SORCS3: variants seen among roughly 807,000 people sequenced by gnomAD.
The protein encoded by SORCS3 is VPS10 domain-containing receptor SorCS3.
SORCS3 carries 57 observed loss-of-function variants against 146.3 expected under a neutral mutation model. The observed-to-expected ratio is 0.39, with a 90% CI of 0.31 to 0.49. The LOEUF (loss-of-function observed/expected upper bound fraction) is 0.49, where lower values mean the gene tolerates loss of function less well. Ranked by LOEUF, SORCS3 falls within the 20% of genes least tolerant of loss-of-function variation. The pLI is 0.92. For synonymous variants in SORCS3, 653 were observed against 618.5 expected (o/e 1.06, Z -0.83); for missense variants, 1,341 against 1,575.5 (o/e 0.85, Z 2.52).
intron 1 of SORCS3, among the ~76,000 whole-genome samples, chr10:104,695,726 CT>C (rs1044994377): frequency 7.9e-5 from 12 of 151,066 alleles, no homozygotes; most frequent in African/African-American, 2.9e-4. Context: ...GTGTAATTTG[CT>C]TTTTTTTCCA....
At chr10:104,683,407 T>C (rs1426310059) in intron 1 of SORCS3, among the ~76,000 whole-genome samples, 1 of 152,198 alleles carries the variant, frequency 6.6e-6, no homozygotes, top group Non-Finnish European at 1.5e-5. Flanking sequence ...CTGTTCCTCA[T>C]AATTGTTCTT....
chr10:105,178,912 G>C (rs1198284848), intron 14 of SORCS3, among the ~76,000 whole-genome samples: 2 of 152,190 alleles, frequency 1.3e-5, no homozygotes, highest in African/African-American at 4.8e-5. Context: ...TGGCACAGAA[G>C]GGCTCACAGC....
chr10:104,768,420 C>A (rs1160913284), intron 1 of SORCS3, among the ~76,000 whole-genome samples: 1 of 151,650 alleles, frequency 6.6e-6, no homozygotes, highest in Non-Finnish European at 1.5e-5. Flanking sequence ...CTGTGTCCTA[C>A]TTTTTTTTTC....
At chr10:104,867,241 G>A (rs2133565164) in intron 2 of SORCS3, among the ~76,000 whole-genome samples, 1 of 152,226 alleles carries the variant, frequency 6.6e-6, no homozygotes, top group East Asian at 1.9e-4. Flanking sequence ...TTTTTAAAGT[G>A]GTCAGGGGAG....
chr10:104,810,887 T>C (rs2133518350), intron 1 of SORCS3, among the ~76,000 whole-genome samples: 1 of 152,352 alleles, frequency 6.6e-6, no homozygotes, highest in African/African-American at 2.4e-5. Flanking sequence ...TATAGAGCGA[T>C]AGTGCCTAGG....
In SORCS3 at chr10:105,060,569, A is replaced by G. The variant is rs115356230; in HGVS notation, c.1028+17441A>G. ...GAGGTGGCCAATTAAAAGGCTATTC[A>G]TTACTGGGGGCAGTGAGTCCTGGAA... On this transcript the variant is annotated intron_variant, in intron 5 of 26. Transcript: ENST00000369701. Among the ~76,000 whole-genome samples, 1,335 of 152,278 alleles carry G rather than the reference A, an allele frequency of 8.8e-3. 17 individuals are homozygous for G. Among genetic ancestry groups the G allele is most frequent in the African/African-American group, 0.03 (1,248 of 41,548 alleles).
rs1043288779 is a variant in SORCS3, at chr10:105,164,360, G to C, written c.1790G>C (p.Gly597Ala). 5.0e-6 allele frequency: 8 copies of C among 1,613,146 alleles called. No homozygotes were observed. The Admixed American group carries it at 1.0e-4, about 20-fold the overall frequency. ...ATTGGTGTGTTCATCTCCTCCGATGGGGGCAACACATGGAGACAGGTAACT... is the reference window on the plus strand; with the variant it reads ...ATTGGTGTGTTCATCTCCTCCGATGCGGGCAACACATGGAGACAGGTAACT... ...TDIGVFISSD[G>A]GNTWRQIFDE... The change falls in exon 12 of 27, where the codon GGG (glycine) becomes GCG (alanine). Residue 597 changes from glycine to alanine, a missense_variant. Gly to Ala is a moderately conservative substitution (Grantham distance 60). Coordinates refer to ENST00000369701, the MANE Select transcript of SORCS3 (RefSeq NM_014978.3).
At chr10:104,840,175 G>T (rs893137232) in intron 1 of SORCS3, among the ~76,000 whole-genome samples, 1 of 152,122 alleles carries the variant, frequency 6.6e-6, no homozygotes, top group Non-Finnish European at 1.5e-5. Flanking sequence ...GGAGATCTGA[G>T]AGGCATGTTC....
In SORCS3 at chr10:105,213,451, T is replaced by C. The variant is rs1250139258; in HGVS notation, c.2376-991T>C. ...AAGAAGACAAAATGTAATGGGCATG[T>C]AATGGTGATGATGATGGTGATAATA... is the stretch of plus-strand genomic sequence containing the variant. On this transcript the variant is annotated intron_variant, in intron 17 of 26. Transcript: ENST00000369701. Among the ~76,000 whole-genome samples the C allele has an allele frequency of 2.0e-5, 3 of 152,208 alleles. No individual in the cohort carries two copies. The South Asian group carries it at 6.2e-4, about 32-fold the overall frequency.
At chr10:105,068,119 A>T (rs2055533730) in intron 5 of SORCS3, among the ~76,000 whole-genome samples, 1 of 152,058 alleles carries the variant, frequency 6.6e-6, no homozygotes, top group South Asian at 2.1e-4. Context: ...TAGCTCTACT[A>T]TATACCTCAA....
At chr10:105,069,130 A>T (rs555125816) in intron 5 of SORCS3, among the ~76,000 whole-genome samples, 43 of 152,322 alleles carry the variant, frequency 2.8e-4, no homozygotes, top group Non-Finnish European at 4.7e-4. Context: ...TTCCAAACTC[A>T]TAGTCATGTA....
intron 4 of SORCS3, among the ~76,000 whole-genome samples, chr10:105,009,672 G>A (rs999504434): frequency 3.3e-5 from 5 of 151,800 alleles, no homozygotes; most frequent in East Asian, 3.9e-4. Flanking sequence ...TATTTTGAGT[G>A]TTTTTTATGA....
chr10:104,972,030 T>C (rs2054863438), intron 3 of SORCS3, among the ~76,000 whole-genome samples: 1 of 152,184 alleles, frequency 6.6e-6, no homozygotes, highest in African/African-American at 2.4e-5. Flanking sequence ...AGAAGTCAGA[T>C]TGCACTGGCT....
At position 104,893,181 on chromosome 10, in the gene SORCS3, G is replaced by A. The variant is rs184619963; in HGVS notation, c.696-22652G>A. On this transcript the variant is annotated intron_variant, in intron 2 of 26. Transcript: ENST00000369701. ...TGAGCTTCATGAGAGCCAGGACTTC[G>A]TTTGCTTTATTACTTATAATTGACT... Among the ~76,000 whole-genome samples the A allele has an allele frequency of 3.4e-3, 512 of 152,152 alleles. 2 individuals carry two copies. Among genetic ancestry groups the A allele is most frequent in the South Asian group, 0.018 (87 of 4,818 alleles).
At chr10:105,105,269 G>A (rs959040522) in intron 6 of SORCS3, 128 bp from the exon 7 acceptor site, 1 of 595,280 alleles carries the variant, frequency 1.7e-6, no homozygotes, top group East Asian at 2.9e-5. Context: ...GTGGACAAAA[G>A]CATGAAATCT....
intron 18 of SORCS3, among the ~76,000 whole-genome samples, chr10:105,216,675 G>A (rs1589692800): frequency 1.3e-5 from 2 of 152,150 alleles, no homozygotes; most frequent in African/African-American, 4.8e-5. Flanking sequence ...ACTTTACAGA[G>A]GGTCTACCTT....
chr10:104,898,391 T>C (rs2018819968), intron 2 of SORCS3, among the ~76,000 whole-genome samples: 6 of 152,222 alleles, frequency 3.9e-5, no homozygotes, highest in Admixed American at 3.9e-4. Context: ...ATTGTATTTC[T>C]TTTTCTTTTG....
chr10:104,779,619 T>G (rs942823196), intron 1 of SORCS3, among the ~76,000 whole-genome samples: 1 of 152,180 alleles, frequency 6.6e-6, no homozygotes, highest in African/African-American at 2.4e-5. Flanking sequence ...CTTGGTGCCC[T>G]GGAAACAATG....
chr10:104,840,002 C>T (rs1370959438), intron 1 of SORCS3, among the ~76,000 whole-genome samples: 1 of 152,148 alleles, frequency 6.6e-6, no homozygotes, highest in Non-Finnish European at 1.5e-5. Context: ...CAATGTCACC[C>T]ATCAAGGAGT....
Sources: gnomAD v4.1 joint callset for allele counts (sites outside exome capture counted in the v4.1 genomes callset) on GRCh38, gnomAD v4.1.1 for gene constraint, MANE v1.5 for transcripts, NCBI Gene and HGNC (gene_info 2026-07-23, HGNC 2026-07-21) for gene names.